Variants in CSMD1 observed in about 807,000 individuals in gnomAD.
CSMD1 encodes the protein CUB and sushi domain-containing protein 1.
CSMD1 carries 213 observed loss-of-function variants against 417.5 expected under a neutral mutation model. The observed-to-expected ratio is 0.51, with a 90% CI of 0.46 to 0.57. The LOEUF is 0.57. Among genes scored for constraint, CSMD1 ranks in the 20% least tolerant of loss-of-function variants. The probability of loss-of-function intolerance (pLI) is 0.00; values close to 1 mark genes in which losing one functional copy is unlikely to be tolerated. For synonymous variants in CSMD1, 2,862 were observed against 1,736.8 expected, an observed-to-expected ratio of 1.65 and a Z score of -16.11; for missense variants, 6,923 against 4,529.7, an observed-to-expected ratio of 1.53 and a Z score of -15.17.
At chr8:4,770,901 A>G (rs898209175) in intron 1 of CSMD1, among the ~76,000 whole-genome samples, 9 of 152,156 alleles carry the variant, frequency 5.9e-5, no homozygotes, top group African/African-American at 2.2e-4. Context: ...CTTGACGATG[A>G]TTTCCCATAT....
At chr8:4,273,390 A>G (rs1171688163) in intron 3 of CSMD1, among the ~76,000 whole-genome samples, 1 of 152,144 alleles carries the variant, frequency 6.6e-6, no homozygotes, top group African/African-American at 2.4e-5. Context: ...TGGATTTCAT[A>G]TCAGATAACC....
At chr8:4,125,451 T>C (rs888530371) in intron 3 of CSMD1, among the ~76,000 whole-genome samples, 2 of 152,136 alleles carry the variant, frequency 1.3e-5, no homozygotes, top group African/African-American at 4.8e-5. Context: ...ATGTCCCATG[T>C]CTCCCTAAAA....
intron 5 of CSMD1, among the ~76,000 whole-genome samples, chr8:3,754,725 G>C (rs892896397): frequency 3.3e-5 from 5 of 152,180 alleles, no homozygotes; most frequent in African/African-American, 1.2e-4. Context: ...AAAGTGCTTG[G>C]ATTACAAGCG....
intron 33 of CSMD1, among the ~76,000 whole-genome samples, chr8:3,196,701 C>T (rs1271354823): frequency 6.6e-6 from 1 of 152,170 alleles, no homozygotes; most frequent in Non-Finnish European, 1.5e-5. Context: ...GCCTGAGCCA[C>T]AGCTGCAAAC....
chr8:4,812,023 G>A (rs966472815), intron 1 of CSMD1, among the ~76,000 whole-genome samples: 1 of 152,180 alleles, frequency 6.6e-6, no homozygotes, highest in Non-Finnish European at 1.5e-5. Context: ...TACAGCAGGA[G>A]TCAAGCCCAA....
At chr8:4,435,569 G>A (rs944351558) in intron 2 of CSMD1, among the ~76,000 whole-genome samples, 12 of 152,102 alleles carry the variant, frequency 7.9e-5, no homozygotes, top group Non-Finnish European at 1.6e-4. Context: ...TGGCTGTCAT[G>A]CTCCCTTCCA....
rs1156306594 is a variant in CSMD1, at chr8:2,978,557, T to A, written c.8566+55A>T. The A allele has an allele frequency of 3.6e-6, 5 of 1,370,820 alleles. No individual in the cohort carries two copies. In the East Asian group the frequency reaches 1.0e-4, roughly 28 times the overall value. The allele number at this position is 1,370,820 out of a possible 1,614,324, so 84.9% of individuals were successfully genotyped here. On this transcript the variant is annotated intron_variant, in intron 55 of 69. Transcript: ENST00000635120. ...TAAATATACTTACGGAATTTTCTGCTGATGGTGACCTTGCAGGGGTCTCTG... is the reference window on the plus strand; with the variant it reads ...TAAATATACTTACGGAATTTTCTGCAGATGGTGACCTTGCAGGGGTCTCTG...
At chr8:4,424,286 A>G (rs577408032) in intron 2 of CSMD1, among the ~76,000 whole-genome samples, 2 of 152,158 alleles carry the variant, frequency 1.3e-5, no homozygotes, top group South Asian at 4.1e-4. Flanking sequence ...TTCGCAAGCC[A>G]AATATCTGAC....
At position 3,719,387 on chromosome 8, in the gene CSMD1, G is replaced by A. The variant is rs558953307; in HGVS notation, c.932-10896C>T. 3.3e-5 allele frequency among the ~76,000 whole-genome samples: 5 copies of A among 152,214 alleles called. No individual in the cohort carries two copies. The East Asian group carries it at 9.7e-4, about 29-fold the overall frequency. On this transcript the variant is annotated intron_variant, in intron 6 of 69. Transcript: ENST00000635120. Reference sequence around the variant, plus strand: ...GGATTTTTTCATCTGTTAAAAGAAGGGCTTGAATTAACTACCCTAAAAGTC... The same window carrying A: ...GGATTTTTTCATCTGTTAAAAGAAGAGCTTGAATTAACTACCCTAAAAGTC...
At chr8:3,992,594 G>C (rs911593990) in intron 5 of CSMD1, among the ~76,000 whole-genome samples, 5 of 152,086 alleles carry the variant, frequency 3.3e-5, no homozygotes, top group African/African-American at 1.2e-4. Context: ...GACCAGCTTG[G>C]GCAACACAGT....
At chr8:3,649,136 T>G (rs995047690) in intron 7 of CSMD1, among the ~76,000 whole-genome samples, 2 of 152,184 alleles carry the variant, frequency 1.3e-5, no homozygotes, top group Admixed American at 1.3e-4. Flanking sequence ...ACCATTCAGT[T>G]TACAATGCAA....
intron 5 of CSMD1, among the ~76,000 whole-genome samples, chr8:3,916,415 G>C (rs897687135): frequency 3.3e-5 from 5 of 152,060 alleles, no homozygotes; most frequent in African/African-American, 9.7e-5. Flanking sequence ...TTCTAAAACT[G>C]TCTTAACAAA....
At chr8:4,235,024 G>A (rs1435231952) in intron 3 of CSMD1, among the ~76,000 whole-genome samples, 1 of 152,184 alleles carries the variant, frequency 6.6e-6, no homozygotes, top group Admixed American at 6.5e-5. Flanking sequence ...ATTGGTGGGA[G>A]TTAAGTCTTC....
intron 2 of CSMD1, among the ~76,000 whole-genome samples, chr8:4,628,320 T>A (rs1331409982): frequency 6.6e-6 from 1 of 150,792 alleles, no homozygotes; most frequent in Non-Finnish European, 1.5e-5. Flanking sequence ...TATTAAGTTT[T>A]AGGAAGTCCA....
chr8:3,002,857 G>A (rs894246870), intron 52 of CSMD1, among the ~76,000 whole-genome samples: 1 of 152,156 alleles, frequency 6.6e-6, no homozygotes, highest in Non-Finnish European at 1.5e-5. Context: ...GGTCATTTCG[G>A]TTCTCTGAGG....
intron 11 of CSMD1, among the ~76,000 whole-genome samples, chr8:3,478,208 T>C (rs1817537602): frequency 6.6e-6 from 1 of 152,214 alleles, no homozygotes; most frequent in African/African-American, 2.4e-5. Flanking sequence ...TCATTTACAA[T>C]CGCTATTTTA....
At chr8:4,242,671 C>G (rs1180993436) in intron 3 of CSMD1, among the ~76,000 whole-genome samples, 1 of 152,086 alleles carries the variant, frequency 6.6e-6, no homozygotes, top group African/African-American at 2.4e-5. Context: ...TCCAGGTTCA[C>G]AGACCCCAAT....
intron 10 of CSMD1, among the ~76,000 whole-genome samples, chr8:3,546,665 T>C (rs775370681): frequency 2.7e-4 from 41 of 151,970 alleles, no homozygotes; most frequent in Non-Finnish European, 5.0e-4. Context: ...TACTCATCAA[T>C]GGGTAAAGAT....
At chr8:2,951,579 A>G (rs11992121) in intron 65 of CSMD1, among the ~76,000 whole-genome samples, 3,229 of 152,270 alleles carry the variant, frequency 0.021, 63 homozygotes, top group East Asian at 0.088. Flanking sequence ...GTGAACTGGT[A>G]CTTCTAATGC....
Sources: gnomAD v4.1 joint callset for allele counts (sites outside exome capture counted in the v4.1 genomes callset) on GRCh38, gnomAD v4.1.1 for gene constraint, MANE v1.5 for transcripts, NCBI Gene and HGNC (gene_info 2026-07-23, HGNC 2026-07-21) for gene names.